Variants in TMEM135 observed in about 807,000 individuals in gnomAD.
TMEM135 encodes peroxisomal membrane protein 52.
In TMEM135, 30 loss-of-function variants were observed where a neutral mutation model predicts 60.3. The observed-to-expected ratio is 0.50, with a 90% CI of 0.37 to 0.68. The LOEUF (loss-of-function observed/expected upper bound fraction) is 0.68. Ranked by LOEUF, TMEM135 falls within the 30% of genes least tolerant of loss-of-function variation. The pLI is 0.00. For synonymous variants in TMEM135, 190 were observed against 186.7 expected, an observed-to-expected ratio of 1.02 and a Z score of -0.14; for missense variants, 468 against 548.8, an observed-to-expected ratio of 0.85 and a Z score of 1.47.
intron 5 of TMEM135, among the ~76,000 whole-genome samples, chr11:87,191,199 A>G (rs915518095): frequency 6.6e-5 from 10 of 150,706 alleles, no homozygotes; most frequent in South Asian, 2.1e-4. Context: ...CACAATGTCT[A>G]TTATCTCCTG....
chr11:87,222,054 C>T (rs928782038), intron 5 of TMEM135, among the ~76,000 whole-genome samples: 10 of 151,258 alleles, frequency 6.6e-5, no homozygotes, highest in Admixed American at 2.6e-4. Flanking sequence ...CGGTGGTGGG[C>T]GCCTGTAATC....
At chr11:87,290,153 T>C (rs17759461) in intron 6 of TMEM135, among the ~76,000 whole-genome samples, 3 of 72,442 alleles carry the variant, frequency 4.1e-5, no homozygotes, top group Non-Finnish European at 1.4e-4. Flanking sequence ...AATAAAAAAA[T>C]CTTAGAAATC....
intron 4 of TMEM135, among the ~76,000 whole-genome samples, chr11:87,106,560 A>G (rs1857602276): frequency 6.6e-6 from 1 of 152,170 alleles, no homozygotes; most frequent in Non-Finnish European, 1.5e-5. Context: ...GTATCAGGGT[A>G]ATACTGGCTT....
At chr11:87,140,614 G>A (rs1938235568) in intron 4 of TMEM135, among the ~76,000 whole-genome samples, 1 of 152,106 alleles carries the variant, frequency 6.6e-6, no homozygotes. Context: ...ATATTTTGGT[G>A]TGGGCATCTT....
Position 87,302,350 on chromosome 11 carries a change from A to G in TMEM135, c.606A>G (p.Ala202=), listed in dbSNP as rs751537658. 2 of 1,613,946 alleles carry G rather than the reference A, an allele frequency of 1.2e-6. No individual in the cohort carries two copies. Among genetic ancestry groups the G allele is most frequent in the Non-Finnish European group, 1.7e-6 (2 of 1,179,920 alleles). The part of the protein sequence containing the change: ...IPTHSFSPEA[A]YAKVEQKREQ... ...CACATTCTTTTTCACCAGAGGCAGC[A>G]TATGCAAAAGTGGAACAAAAGAGAG... Residue 202 remains alanine (A), a synonymous_variant, in exon 8 of 15, where the codon GCA becomes GCG. Coordinates refer to ENST00000305494, the MANE Select transcript of TMEM135 (RefSeq NM_022918.4).
chr11:87,156,461 T>A (rs1224072290), intron 4 of TMEM135, among the ~76,000 whole-genome samples: 2 of 152,206 alleles, frequency 1.3e-5, no homozygotes, highest in East Asian at 3.8e-4. Context: ...TGTATTGTCA[T>A]CTTAATAATA....
At chr11:87,149,989 G>A (rs1288406262) in intron 4 of TMEM135, among the ~76,000 whole-genome samples, 1 of 152,096 alleles carries the variant, frequency 6.6e-6, no homozygotes, top group East Asian at 1.9e-4. Flanking sequence ...GGCCAAAGCG[G>A]GTGGATCACC....
chr11:87,160,506 G>C (rs1207135102), intron 5 of TMEM135, among the ~76,000 whole-genome samples: 1 of 152,136 alleles, frequency 6.6e-6, no homozygotes, highest in African/African-American at 2.4e-5. Context: ...TGGAGAGCTA[G>C]GATTTGAACC....
At chr11:87,131,552 T>C (rs1937932132) in intron 4 of TMEM135, among the ~76,000 whole-genome samples, 1 of 152,176 alleles carries the variant, frequency 6.6e-6, no homozygotes, top group Non-Finnish European at 1.5e-5. Flanking sequence ...TGCCTAAGAC[T>C]ACCATGAATA....
intron 6 of TMEM135, among the ~76,000 whole-genome samples, chr11:87,288,556 GT>G (rs1440665012): frequency 4.6e-5 from 7 of 152,060 alleles, no homozygotes; most frequent in Non-Finnish European, 1.0e-4. Flanking sequence ...AATTCATTCT[GT>G]TTTTCCATTG....
intron 3 of TMEM135, among the ~76,000 whole-genome samples, chr11:87,078,756 G>T (rs780590580): frequency 1.3e-5 from 2 of 151,750 alleles, no homozygotes; most frequent in Non-Finnish European, 2.9e-5. Context: ...TGGGACTGCA[G>T]GTGTGTGCCA....
intron 4 of TMEM135, among the ~76,000 whole-genome samples, chr11:87,118,828 C>T (rs989448375): frequency 1.3e-5 from 2 of 152,148 alleles, no homozygotes; most frequent in African/African-American, 4.8e-5. Context: ...ATCTCATGAA[C>T]CCACCTCTGC....
chr11:87,189,817 T>C (rs1393665732), intron 5 of TMEM135, among the ~76,000 whole-genome samples: 1 of 150,210 alleles, frequency 6.7e-6, no homozygotes, highest in Non-Finnish European at 1.5e-5. Context: ...CTTGGGAGGC[T>C]GAGGTGGGAG....
chr11:87,278,118 C>G (rs1179223928), intron 6 of TMEM135, among the ~76,000 whole-genome samples: 1 of 152,154 alleles, frequency 6.6e-6, no homozygotes, highest in African/African-American at 2.4e-5. Flanking sequence ...TCAACTCAAG[C>G]TATGGTGATG....
At chr11:87,084,951 G>C (rs982214115) in intron 3 of TMEM135, among the ~76,000 whole-genome samples, 1 of 152,152 alleles carries the variant, frequency 6.6e-6, no homozygotes, top group Non-Finnish European at 1.5e-5. Context: ...CATTGTATTA[G>C]CCATGTTTTA....
chr11:87,135,493 C>CTTT (rs376201118), intron 4 of TMEM135, among the ~76,000 whole-genome samples: 1,478 of 142,014 alleles, frequency 0.01, 27 homozygotes, highest in East Asian at 0.066. Context: ...AAGAGTTCAT[C>CTTT]TTTTTTTTTT....
At chr11:87,103,292 A>T (rs1031204430) in intron 4 of TMEM135, among the ~76,000 whole-genome samples, 19 of 152,238 alleles carry the variant, frequency 1.2e-4, no homozygotes, top group African/African-American at 4.3e-4. Flanking sequence ...ATCATTTTAC[A>T]TTCTCACCAA....
At chr11:87,185,592 T>C (rs1242641543) in intron 5 of TMEM135, among the ~76,000 whole-genome samples, 1 of 152,216 alleles carries the variant, frequency 6.6e-6, no homozygotes, top group African/African-American at 2.4e-5. Context: ...GTTGGCTTTG[T>C]TTGTATGTCT....
At chr11:87,076,437 G>GC (rs34827708) in intron 3 of TMEM135, among the ~76,000 whole-genome samples, 3 of 152,148 alleles carry the variant, frequency 2.0e-5, no homozygotes, top group African/African-American at 7.2e-5. Flanking sequence ...AGGGCAGTAG[G>GC]CCCCCCCTCT....
Sources: gnomAD v4.1 joint callset for allele counts (sites outside exome capture counted in the v4.1 genomes callset) on GRCh38, gnomAD v4.1.1 for gene constraint, MANE v1.5 for transcripts, NCBI Gene and HGNC (gene_info 2026-07-23, HGNC 2026-07-21) for gene names.